GABRA3: variants seen among roughly 807,000 people sequenced by gnomAD.
GABRA3 encodes the protein gamma-aminobutyric acid receptor subunit alpha-3.
GABRA3 carries 10 observed loss-of-function variants against 30.1 expected under a neutral mutation model. The ratio of observed to expected loss-of-function variants is 0.33; its 90% CI spans 0.20 to 0.56. The LOEUF (loss-of-function observed/expected upper bound fraction) is 0.56, where lower values mean the gene tolerates loss of function less well. GABRA3 is among the 20% of genes least tolerant of loss of function. The pLI is 0.89. For missense variants in GABRA3, 233 were observed against 392.0 expected (o/e 0.59, Z 3.42); for synonymous variants, 151 against 146.8 (o/e 1.03, Z -0.21).
At chrX:152,198,663 T>C (rs1340483723) in intron 7 of GABRA3, among the ~76,000 whole-genome samples, 1 of 112,085 alleles carries the variant, frequency 8.9e-6, no homozygotes, top group Non-Finnish European at 1.9e-5. Flanking sequence ...TCACAGACCA[T>C]TCCTCCTAAG....
At chrX:152,332,718 T>C (rs1296852098) in intron 3 of GABRA3, among the ~76,000 whole-genome samples, 2 of 111,939 alleles carry the variant, frequency 1.8e-5, no homozygotes. Context: ...TGTTCTCTGG[T>C]GCAAACCCTG....
At chrX:152,259,636 G>A (rs768284240) in intron 4 of GABRA3, among the ~76,000 whole-genome samples, 29 of 111,061 alleles carry the variant, frequency 2.6e-4, no homozygotes, top group Non-Finnish European at 4.2e-4. Context: ...CAGCGGGTCA[G>A]AAGGAAACCC....
intron 8 of GABRA3, among the ~76,000 whole-genome samples, chrX:152,192,452 G>T (rs780321015): frequency 9.0e-6 from 1 of 111,625 alleles, no homozygotes; most frequent in Non-Finnish European, 1.9e-5. Context: ...CTCAGGCACA[G>T]CCAAGTAGCC....
chrX:152,199,152 G>A (rs1444527075), intron 7 of GABRA3, among the ~76,000 whole-genome samples: 1 of 110,715 alleles, frequency 9.0e-6, no homozygotes. Flanking sequence ...AGATTACGAG[G>A]TCAGGAGATC....
intron 1 of GABRA3, among the ~76,000 whole-genome samples, chrX:152,364,939 T>A (rs1928613252): frequency 1.8e-5 from 2 of 111,669 alleles, no homozygotes; most frequent in African/African-American, 3.3e-5. Context: ...ATTAGGTGAA[T>A]CACAGAACTT....
rs190279422 is a variant in GABRA3 at position 152,449,328 on chromosome X, T to C, written c.-27+1818A>G. Among the ~76,000 whole-genome samples the C allele has an allele frequency of 4.0e-3, 454 of 112,119 alleles. 1 individual carries two copies. Among genetic ancestry groups the C allele is most frequent in the African/African-American group, 0.014 (418 of 30,877 alleles). On this transcript the variant is annotated intron_variant, in intron 1 of 9. Coordinates refer to ENST00000370314, the MANE Select transcript of GABRA3 (RefSeq NM_000808.4). ...ACTAGAAATCAGTCAACAAATTGGA[T>C]GCTTAGGATAAATTCAAGAACTGAG...
chrX:152,335,607 G>T (rs1301815113), intron 3 of GABRA3, among the ~76,000 whole-genome samples: 2 of 111,946 alleles, frequency 1.8e-5, no homozygotes, highest in African/African-American at 3.2e-5. Context: ...AACCTTCAAA[G>T]AATTTTTTAA....
At chrX:152,193,977 A>T (rs1420105034) in intron 8 of GABRA3, among the ~76,000 whole-genome samples, 1 of 112,284 alleles carries the variant, frequency 8.9e-6, no homozygotes, top group African/African-American at 3.2e-5. Flanking sequence ...AGCCTGGGCA[A>T]CAGGGTGAGA....
intron 1 of GABRA3, among the ~76,000 whole-genome samples, chrX:152,398,784 C>T (rs1929723957): frequency 9.0e-6 from 1 of 111,217 alleles, no homozygotes; most frequent in African/African-American, 3.3e-5. Flanking sequence ...TTAAAAAAAG[C>T]ATACAACCAT....
chrX:152,208,707 T>C (rs1393951859), intron 6 of GABRA3, among the ~76,000 whole-genome samples: 1 of 111,387 alleles, frequency 9.0e-6, no homozygotes, highest in Admixed American at 9.6e-5. Flanking sequence ...GGCTATCTGA[T>C]TGTTTTCAAC....
chrX:152,250,075 T>A (rs1938526350), intron 5 of GABRA3, among the ~76,000 whole-genome samples: 1 of 111,361 alleles, frequency 9.0e-6, no homozygotes, highest in African/African-American at 3.3e-5. Flanking sequence ...ACCTCAGCCC[T>A]GTCTCTCATT....
chrX:152,309,431 T>C (rs1162997910), intron 3 of GABRA3, among the ~76,000 whole-genome samples: 5 of 110,137 alleles, frequency 4.5e-5, no homozygotes, highest in African/African-American at 1.3e-4. Context: ...GGGAACATCA[T>C]CAAGCTAATA....
chrX:152,330,286 T>A (rs1940141765), intron 3 of GABRA3, among the ~76,000 whole-genome samples: 1 of 112,009 alleles, frequency 8.9e-6, no homozygotes, highest in African/African-American at 3.3e-5. Context: ...TGGAAGACAG[T>A]GTGGCAATTC....
At chrX:152,424,427 T>G (rs980147580) in intron 1 of GABRA3, among the ~76,000 whole-genome samples, 7 of 111,787 alleles carry the variant, frequency 6.3e-5, no homozygotes, top group Non-Finnish European at 1.1e-4. Context: ...ACTTTGTATA[T>G]GACACTGTGC....
At chrX:152,442,467 T>TA (rs34940391) in intron 1 of GABRA3, among the ~76,000 whole-genome samples, 12,148 of 110,561 alleles carry the variant, frequency 0.11, 632 homozygotes, top group Non-Finnish European at 0.16. Context: ...AAATAGAAGT[T>TA]AAAATCATAA....
chrX:152,199,378 T>C (rs755112209), intron 7 of GABRA3, among the ~76,000 whole-genome samples: 1 of 103,908 alleles, frequency 9.6e-6, no homozygotes, highest in Non-Finnish European at 2.0e-5. Flanking sequence ...AAAAAAAAAA[T>C]AAAAAAAGCA....
intron 3 of GABRA3, among the ~76,000 whole-genome samples, chrX:152,324,267 A>T (rs1603241531): frequency 8.9e-6 from 1 of 112,502 alleles, no homozygotes; most frequent in East Asian, 2.8e-4. Context: ...TAAGGCTAAT[A>T]TCAATATCAA....
At chrX:152,326,730 G>A (rs998219824) in intron 3 of GABRA3, among the ~76,000 whole-genome samples, 6 of 111,387 alleles carry the variant, frequency 5.4e-5, no homozygotes, top group Non-Finnish European at 9.4e-5. Context: ...GGAACAACTG[G>A]TACCAACCAC....
Position 152,337,232 on chromosome X carries a change from C to T in GABRA3, c.262+8349G>A, listed in dbSNP as rs186278826. Among the ~76,000 whole-genome samples the T allele has an allele frequency of 4.5e-3, 505 of 111,519 alleles. 1 individual carries two copies. Among genetic ancestry groups the T allele is most frequent in the Non-Finnish European group, 7.6e-3 (403 of 53,082 alleles). On this transcript the variant is annotated intron_variant, in intron 3 of 9. Coordinates refer to ENST00000370314, the MANE Select transcript of GABRA3 (RefSeq NM_000808.4). ...CTAGAACCATTCAAATTTTTCACTC[C>T]TAGCTGTCTTGAAATAGAAATACAT...
Sources: allele counts gnomAD v4.1 joint callset (sites outside exome capture counted in the v4.1 genomes callset), GRCh38; gene constraint gnomAD v4.1.1; transcripts MANE v1.5; gene names NCBI Gene and HGNC (gene_info 2026-07-23, HGNC 2026-07-21).